The following PAICS variants were observed in gnomAD, a reference collection of about 807,000 sequenced individuals.
PAICS encodes the protein phosphoribosylaminoimidazole carboxylase and phosphoribosylaminoimidazolesuccinocarboxamide synthase, also known as bifunctional phosphoribosylaminoimidazole carboxylase/phosphoribosylaminoimidazole succinocarboxamide synthetase.
PAICS carries 33 observed loss-of-function variants against 53.7 expected under a neutral mutation model. The observed-to-expected ratio is 0.61, with a 90% CI of 0.47 to 0.82. The LOEUF (loss-of-function observed/expected upper bound fraction) is 0.82. PAICS is among the 40% of genes least tolerant of loss of function. The pLI, the probability that PAICS is intolerant of heterozygous loss-of-function variation, is 0.00. For synonymous variants in PAICS, 141 were observed against 167.2 expected (o/e 0.84, Z 1.21); for missense variants, 394 against 494.1 (o/e 0.80, Z 1.92).
chr4:56,453,149 A>G (rs958562767), intron 7 of PAICS, among the ~76,000 whole-genome samples: 1 of 152,220 alleles, frequency 6.6e-6, no homozygotes, highest in Non-Finnish European at 1.5e-5. Flanking sequence ...CACTATATTA[A>G]TTAAACTTTC....
intron 3 of PAICS, among the ~76,000 whole-genome samples, chr4:56,447,394 GA>G (rs1718676527): frequency 6.6e-6 from 1 of 151,998 alleles, no homozygotes; most frequent in African/African-American, 2.4e-5. Context: ...TATAGATCAA[GA>G]ATTTATAAAG....
chr4:56,458,032 C>A (rs527901982), intron 8 of PAICS, among the ~76,000 whole-genome samples: 2 of 152,104 alleles, frequency 1.3e-5, no homozygotes, highest in Middle Eastern at 3.2e-3. Context: ...ACAAATAAAG[C>A]TGTAACCAAA....
At chr4:56,452,144 T>C in intron 7 of PAICS, 92 bp downstream of exon 7, 1 of 839,662 alleles carries the variant, frequency 1.2e-6, no homozygotes, top group African/African-American at 1.7e-5. Flanking sequence ...AAAAAGAGCT[T>C]TGTCAGTTTT....
At chr4:56,437,078 C>G (rs998800872) in intron 1 of PAICS, among the ~76,000 whole-genome samples, 1 of 147,054 alleles carries the variant, frequency 6.8e-6, no homozygotes, top group African/African-American at 2.5e-5. Flanking sequence ...TGTGTGCACG[C>G]GCGCGTGAAG....
upstream of PAICS, chr4:56,431,657 A>C: frequency 7.4e-6 from 2 of 271,952 alleles, no homozygotes; most frequent in Non-Finnish European, 1.1e-5. Context: ...GTTATCTCCT[A>C]ATCAAGGAAA....
the PAICS span, among the ~76,000 whole-genome samples, chr4:56,419,417 A>C: frequency 6.6e-6 from 1 of 152,220 alleles, no homozygotes; most frequent in Admixed American, 6.5e-5. Context: ...ACTTTATTAA[A>C]GCCAGTAACC....
At chr4:56,440,899 C>T (rs1718303758) in intron 1 of PAICS, among the ~76,000 whole-genome samples, 1 of 152,168 alleles carries the variant, frequency 6.6e-6, no homozygotes, top group African/African-American at 2.4e-5. Context: ...AGTTCCTAAA[C>T]ATCTGTTATC....
chr4:56,451,972 T>G lies in PAICS; in HGVS notation c.872T>G (p.Phe291Cys). The change falls in exon 7 of 9, where the codon TTT becomes TGT. Residue 291 changes from phenylalanine to cysteine, a missense_variant. Physicochemically the swap from Phe to Cys is radical, Grantham distance 205. Coordinates refer to ENST00000512576, the MANE Select transcript of PAICS (RefSeq NM_001079524.2). ...AAAATCAAGAAGGCCTGTGGAAATT[T>G]TGGCATTCCATGTGAACTTCGAGTA... The part of the protein sequence containing the change: ...CEKIKKACGN[F>C]GIPCELRVTS... 1 of 1,608,218 alleles carries G rather than the reference T, an allele frequency of 6.2e-7. No individual in the cohort carries two copies. The highest frequency in any genetic ancestry group is 2.2e-5 in the East Asian group (1 of 44,842).
At chr4:56,443,727 G>C (rs1220025331) in intron 2 of PAICS, among the ~76,000 whole-genome samples, 1 of 152,090 alleles carries the variant, frequency 6.6e-6, no homozygotes, top group Non-Finnish European at 1.5e-5. Flanking sequence ...TCCATTTCCA[G>C]AACTTTATAA....
the PAICS span, among the ~76,000 whole-genome samples, chr4:56,427,235 T>C: frequency 6.6e-6 from 1 of 152,242 alleles, no homozygotes; most frequent in African/African-American, 2.4e-5. Flanking sequence ...TTCTTTTGGG[T>C]ATATACCCAG....
rs753170856 is a variant in PAICS at position 56,452,084 on chromosome 4, A to G, written c.952+32A>G. ...CACAAGTAATATGGACATTTCAGGT[A>G]TTTCTGATTTTGCTAAAAGTAATTA... On this transcript the variant is annotated intron_variant, in intron 7 of 8. Transcript: ENST00000512576. 5 of 1,418,280 alleles carry G rather than the reference A, an allele frequency of 3.5e-6. No individual in the cohort carries two copies. The African/African-American group carries it at 5.7e-5, about 16-fold the overall frequency. 87.9% of individuals were successfully genotyped at this position (1,418,280 alleles called of 1,614,324 possible).
At position 56,453,794 on chromosome 4, in the gene PAICS, T is replaced by A. The variant is rs774181819; in HGVS notation, c.1111+33T>A. ...ACATTGAATTTTTAAAAACTGTTCA[T>A]TACAAGCATTTAACAGATGCACAAC... On this transcript the variant is annotated intron_variant, in intron 8 of 8. Coordinates refer to ENST00000512576, the MANE Select transcript of PAICS (RefSeq NM_001079524.2). 4.1e-6 allele frequency: 6 copies of A among 1,459,584 alleles called. No homozygotes were observed. The South Asian group carries it at 7.4e-5, about 18-fold the overall frequency. The allele number at this position is 1,459,584 out of a possible 1,614,324, so 90.4% of individuals were successfully genotyped here. A position where few individuals can be genotyped will look rare whatever the true frequency, so the allele number is the denominator to read the frequency against.
chr4:56,412,001 G>A, the PAICS span, among the ~76,000 whole-genome samples: 103,594 of 152,048 alleles, frequency 0.68, 35,395 homozygotes, highest in Admixed American at 0.76. Flanking sequence ...AACAGCAATC[G>A]CATTATTTTA....
the PAICS span, chr4:56,416,497 T>C: frequency 2.0e-5 from 4 of 198,116 alleles, no homozygotes; most frequent in Middle Eastern, 2.6e-3. Flanking sequence ...GAAAGACTGG[T>C]TCCTAATCTG....
the PAICS span, chr4:56,419,815 T>C: frequency 6.2e-4 from 614 of 984,648 alleles, 3 homozygotes; most frequent in African/African-American, 9.9e-3. Flanking sequence ...CTTCAGAAAT[T>C]TGGAATAGAC....
chr4:56,435,987 T>G (rs1717909782), upstream of PAICS: 1 of 1,522,206 alleles, frequency 6.6e-7, no homozygotes, highest in Admixed American at 1.7e-5. Flanking sequence ...TATGCGAGCT[T>G]CCGCAGAGTG....
the PAICS span, among the ~76,000 whole-genome samples, chr4:56,419,314 C>T: frequency 1.3e-5 from 2 of 151,978 alleles, no homozygotes; most frequent in Non-Finnish European, 2.9e-5. Context: ...TTCCACTATA[C>T]ACTGACATAC....
Position 56,463,728 on chromosome 4 carries a change from G to T in PAICS, c.*4190G>T, listed in dbSNP as rs1719591983. On this transcript the variant is annotated 3_prime_UTR_variant, in exon 9 of 9. Transcript: ENST00000512576. ...AAAAAAAAAGATACTGTACATGGAA[G>T]CTTCTCAGGCTAAATCCATTAATAT... 1 of 150,402 alleles carries T rather than the reference G, an allele frequency of 6.6e-6. No individual in the cohort carries two copies. 9.3% of individuals were successfully genotyped at this position (150,402 alleles called of 1,614,324 possible). A position where few individuals can be genotyped will look rare whatever the true frequency, so the allele number is the denominator to read the frequency against.
chr4:56,440,748 G>T (rs1718296517), intron 1 of PAICS, among the ~76,000 whole-genome samples: 1 of 152,100 alleles, frequency 6.6e-6, no homozygotes, highest in Non-Finnish European at 1.5e-5. Flanking sequence ...TTTAATATCA[G>T]CTCCCCTCAG....
Sources: gnomAD v4.1 joint callset for allele counts (sites outside exome capture counted in the v4.1 genomes callset) on GRCh38, gnomAD v4.1.1 for gene constraint, MANE v1.5 for transcripts, NCBI Gene and HGNC (gene_info 2026-07-23, HGNC 2026-07-21) for gene names.